ERC2: variants seen among roughly 807,000 people sequenced by gnomAD.
The protein encoded by ERC2 is ERC protein 2.
Under a neutral mutation model 114.8 loss-of-function variants are expected in ERC2, and 42 were observed. That is an observed-to-expected ratio of 0.37 (90% CI 0.29 to 0.47). ERC2 has a LOEUF of 0.47. ERC2 is among the 20% of genes least tolerant of loss of function. ERC2 has a pLI of 0.99. For missense variants in ERC2, 939 were observed against 1,150.7 expected, an observed-to-expected ratio of 0.82 and a Z score of 2.66; for synonymous variants, 454 against 425.5, an observed-to-expected ratio of 1.07 and a Z score of -0.82.
intron 14 of ERC2, among the ~76,000 whole-genome samples, chr3:55,775,798 T>C (rs2068562411): frequency 6.6e-6 from 1 of 152,212 alleles, no homozygotes; most frequent in Non-Finnish European, 1.5e-5. Flanking sequence ...CAATTAGTTA[T>C]GAATCCAAAC....
intron 17 of ERC2, among the ~76,000 whole-genome samples, chr3:55,664,906 A>G (rs1303425742): frequency 6.6e-6 from 1 of 152,234 alleles, no homozygotes; most frequent in East Asian, 1.9e-4. Context: ...GCAGTGATGG[A>G]GAAATGAGGC....
intron 11 of ERC2, among the ~76,000 whole-genome samples, chr3:55,988,226 T>C (rs1221686361): frequency 6.6e-6 from 1 of 152,164 alleles, no homozygotes; most frequent in African/African-American, 2.4e-5. Context: ...ACGTGACATC[T>C]GACATTGGAG....
At chr3:56,121,817 A>C (rs527372784) in intron 6 of ERC2, among the ~76,000 whole-genome samples, 11 of 152,276 alleles carry the variant, frequency 7.2e-5, no homozygotes, top group African/African-American at 2.4e-4. Flanking sequence ...TTTTTTCTCA[A>C]GGAAACTACA....
intron 2 of ERC2, among the ~76,000 whole-genome samples, chr3:56,348,907 AGAAGGAAGGAAGGAAG>A (rs1358863890): frequency 2.9e-5 from 1 of 34,928 alleles, no homozygotes; most frequent in African/African-American, 7.8e-5. Flanking sequence ...AAGGAAGGAA[AGAAGGAAGGAAGGAAG>A]GAAGGAAGGA....
At chr3:55,903,109 C>T in intron 13 of ERC2, among the ~76,000 whole-genome samples, 1 of 152,212 alleles carries the variant, frequency 6.6e-6, no homozygotes, top group East Asian at 1.9e-4. Flanking sequence ...CATTTATATT[C>T]ACCTATTAAA....
intron 7 of ERC2, among the ~76,000 whole-genome samples, chr3:56,071,777 A>C (rs953213601): frequency 6.6e-6 from 1 of 152,214 alleles, no homozygotes; most frequent in African/African-American, 2.4e-5. Flanking sequence ...ATGTATACAA[A>C]GGAGGAGGCT....
Position 55,675,903 on chromosome 3 carries a change from C to CTTTTTTTTTTTTTTTTTTTTTTTTT in ERC2, c.*39+7866_*39+7890dup, listed in dbSNP as rs869296098. Among the ~76,000 whole-genome samples, 65 of 47,996 alleles carry CTTTTTTTTTTTTTTTTTTTTTTTTT rather than the reference C, an allele frequency of 1.4e-3. 18 individuals are homozygous for CTTTTTTTTTTTTTTTTTTTTTTTTT. Among genetic ancestry groups the CTTTTTTTTTTTTTTTTTTTTTTTTT allele is most frequent in the South Asian group, 5.2e-3 (4 of 770 alleles). 31.5% of individuals were successfully genotyped at this position (47,996 alleles called of 152,430 possible). On this transcript the variant is annotated intron_variant, in intron 17 of 17. Coordinates refer to ENST00000288221, the MANE Select transcript of ERC2 (RefSeq NM_015576.3). Reference sequence around the variant, plus strand: ...TTCCATCTTTCTTTCTCTTTTCTTTCTTTTTTTTTTTTTTTTTTTTTTTTT... The same window carrying CTTTTTTTTTTTTTTTTTTTTTTTTT: ...TTCCATCTTTCTTTCTCTTTTCTTTCTTTTTTTTTTTTTTTTTTTTTTTTTTTTTTTTTTTTTTTTTTTTTTTTTT...
At chr3:55,788,852 T>G (rs1377712356) in intron 14 of ERC2, among the ~76,000 whole-genome samples, 1 of 152,222 alleles carries the variant, frequency 6.6e-6, no homozygotes, top group Non-Finnish European at 1.5e-5. Context: ...GATAGCTCCA[T>G]GAATTTTCAC....
chr3:56,293,881 G>A (rs2055255698), intron 3 of ERC2, among the ~76,000 whole-genome samples: 1 of 152,194 alleles, frequency 6.6e-6, no homozygotes, highest in Non-Finnish European at 1.5e-5. Flanking sequence ...GCACCATCTA[G>A]TAAGTGCTAT....
chr3:56,234,634 C>T (rs775469471), intron 3 of ERC2, among the ~76,000 whole-genome samples: 3 of 152,038 alleles, frequency 2.0e-5, no homozygotes, highest in Non-Finnish European at 4.4e-5. Context: ...TTATAATGAA[C>T]AGAAATTTAT....
chr3:56,026,675 G>C (rs896713970), intron 7 of ERC2, among the ~76,000 whole-genome samples: 9 of 152,140 alleles, frequency 5.9e-5, no homozygotes, highest in Non-Finnish European at 1.2e-4. Flanking sequence ...AATACAAAGA[G>C]AGTCCTTTAT....
At chr3:56,359,524 A>G (rs114897543) in intron 2 of ERC2, among the ~76,000 whole-genome samples, 3,591 of 152,384 alleles carry the variant, frequency 0.024, 42 homozygotes, top group South Asian at 0.071. Flanking sequence ...TACAAAATAG[A>G]CATTATTATT....
chr3:56,238,905 CAAG>C (rs2051140653), intron 3 of ERC2, among the ~76,000 whole-genome samples: 1 of 152,158 alleles, frequency 6.6e-6, no homozygotes, highest in Non-Finnish European at 1.5e-5. Context: ...AGAGTTATTT[CAAG>C]AAGAAAGCTT....
intron 14 of ERC2, among the ~76,000 whole-genome samples, chr3:55,738,404 G>C (rs1272213528): frequency 1.3e-5 from 2 of 152,068 alleles, no homozygotes; most frequent in East Asian, 1.9e-4. Context: ...AATATCCTAA[G>C]AGTAAACATT....
chr3:55,592,497 C>T (rs1213655179), intron 17 of ERC2, among the ~76,000 whole-genome samples: 1 of 152,122 alleles, frequency 6.6e-6, no homozygotes, highest in African/African-American at 2.4e-5. Flanking sequence ...AGGCAAAGAC[C>T]TCATTCAGGA....
At chr3:55,810,374 A>G (rs2149125136) in intron 14 of ERC2, among the ~76,000 whole-genome samples, 1 of 152,244 alleles carries the variant, frequency 6.6e-6, no homozygotes, top group South Asian at 2.1e-4. Flanking sequence ...TATAACACAC[A>G]GACATACACA....
rs73830700 is a variant in ERC2, at chr3:55,640,895, G to C, written c.*39+42899C>G. On this transcript the variant is annotated intron_variant, in intron 17 of 17. Transcript: ENST00000288221. ...GGGACTCACACTTCTCTCATTCTCA[G>C]ACTGTGGGGAGCGAACACGACATAG... Among the ~76,000 whole-genome samples, 1,107 of 152,270 alleles carry C rather than the reference G, an allele frequency of 7.3e-3. 17 individuals carry two copies. The highest frequency in any genetic ancestry group is 0.025 in the African/African-American group (1,046 of 41,558).
intron 3 of ERC2, among the ~76,000 whole-genome samples, chr3:56,259,422 T>C (rs1465023418): frequency 1.3e-5 from 2 of 152,094 alleles, no homozygotes; most frequent in Non-Finnish European, 2.9e-5. Context: ...AAATACCATA[T>C]AAAATTAGGT....
At chr3:56,357,053 G>T (rs1421271483) in intron 2 of ERC2, among the ~76,000 whole-genome samples, 4 of 152,098 alleles carry the variant, frequency 2.6e-5, no homozygotes, top group African/African-American at 9.7e-5. Flanking sequence ...TTTTTTGCAG[G>T]CCTCACATTC....
Sources: gnomAD v4.1 joint callset for allele counts (sites outside exome capture counted in the v4.1 genomes callset) on GRCh38, gnomAD v4.1.1 for gene constraint, MANE v1.5 for transcripts, NCBI Gene and HGNC (gene_info 2026-07-23, HGNC 2026-07-21) for gene names.